Variants in CDH11 observed in about 807,000 individuals in gnomAD.
The protein encoded by CDH11 is cadherin-11.
CDH11 carries 11 observed loss-of-function variants against 67.8 expected under a neutral mutation model. The observed-to-expected ratio is 0.16, with a 90% CI of 0.10 to 0.27. The LOEUF (loss-of-function observed/expected upper bound fraction) is 0.27. Ranked by LOEUF, CDH11 falls within the 10% of genes least tolerant of loss-of-function variation. The pLI, the probability that CDH11 is intolerant of heterozygous loss-of-function variation, is 1.00. For missense variants in CDH11, 847 were observed against 1,031.2 expected, an observed-to-expected ratio of 0.82 and a Z score of 2.45; for synonymous variants, 419 against 400.0, an observed-to-expected ratio of 1.05 and a Z score of -0.57.
At chr16:65,062,814 C>G (rs2142745051) in intron 1 of CDH11, among the ~76,000 whole-genome samples, 1 of 152,310 alleles carries the variant, frequency 6.6e-6, no homozygotes. Flanking sequence ...GAGCCCTGGA[C>G]ATAGTGGTCT....
chr16:65,112,085 A>AG (rs1481106659), intron 1 of CDH11, among the ~76,000 whole-genome samples: 1 of 151,682 alleles, frequency 6.6e-6, no homozygotes, highest in African/African-American at 2.4e-5. Context: ...AAAAAAAAAA[A>AG]AAAGAATAAG....
At chr16:64,983,697 C>A (rs2072414984) in intron 7 of CDH11, among the ~76,000 whole-genome samples, 1 of 152,156 alleles carries the variant, frequency 6.6e-6, no homozygotes, top group Admixed American at 6.5e-5. Context: ...CTGCCCCCAG[C>A]CTTTCCATCA....
At chr16:64,996,646 T>C (rs2072774240) in intron 4 of CDH11, among the ~76,000 whole-genome samples, 1 of 152,134 alleles carries the variant, frequency 6.6e-6, no homozygotes, top group Non-Finnish European at 1.5e-5. Flanking sequence ...TCAACCAAGG[T>C]GCCCATCAAC....
intron 1 of CDH11, among the ~76,000 whole-genome samples, chr16:65,056,155 T>A (rs935322864): frequency 1.3e-5 from 2 of 152,242 alleles, no homozygotes; most frequent in African/African-American, 4.8e-5. Flanking sequence ...CTTGTGCTTT[T>A]TGAACGCTTG....
chr16:65,108,963 A>G (rs993585231), intron 1 of CDH11, among the ~76,000 whole-genome samples: 5 of 152,126 alleles, frequency 3.3e-5, no homozygotes, highest in African/African-American at 1.2e-4. Flanking sequence ...CCTGGCCAAC[A>G]TGGTAAAACC....
chr16:64,994,663 C>T (rs552858213), intron 4 of CDH11, among the ~76,000 whole-genome samples: 3 of 152,084 alleles, frequency 2.0e-5, no homozygotes, highest in South Asian at 4.1e-4. Context: ...ACAAGGATGC[C>T]CACTCTCACC....
At chr16:65,014,809 C>T (rs2073263811) in intron 2 of CDH11, among the ~76,000 whole-genome samples, 1 of 151,976 alleles carries the variant, frequency 6.6e-6, no homozygotes, top group Non-Finnish European at 1.5e-5. Context: ...TATTCCTGGC[C>T]TTAACAGGAG....
At chr16:65,097,133 C>A (rs561350540) in intron 1 of CDH11, among the ~76,000 whole-genome samples, 2 of 152,256 alleles carry the variant, frequency 1.3e-5, no homozygotes, top group South Asian at 4.2e-4. Context: ...CAGAGACAAA[C>A]ACACACAAAC....
chr16:65,046,937 A>G (rs771703537), intron 2 of CDH11, among the ~76,000 whole-genome samples: 58 of 152,228 alleles, frequency 3.8e-4, no homozygotes, highest in Middle Eastern at 6.8e-3. Flanking sequence ...GCAAAACCCC[A>G]TCTTTACTAA....
intron 2 of CDH11, among the ~76,000 whole-genome samples, chr16:65,045,139 TC>T (rs1423602441): frequency 6.6e-6 from 1 of 150,994 alleles, no homozygotes; most frequent in Non-Finnish European, 1.5e-5. Context: ...TGAATCACCA[TC>T]CCCCTAGGTC....
intron 4 of CDH11, 149 bp downstream of exon 4, chr16:64,998,413 G>C (rs776909184): frequency 1.2e-5 from 9 of 738,164 alleles, no homozygotes; most frequent in African/African-American, 8.8e-5. Context: ...ATTTTACAGA[G>C]GAACAAAAGA....
intron 8 of CDH11, among the ~76,000 whole-genome samples, chr16:64,978,302 G>T (rs1224248686): frequency 6.6e-6 from 1 of 152,158 alleles, no homozygotes; most frequent in African/African-American, 2.4e-5. Context: ...GCGCAGTGAT[G>T]ATCTATAACA....
intron 1 of CDH11, among the ~76,000 whole-genome samples, chr16:65,108,369 G>A (rs971116823): frequency 2.0e-5 from 3 of 152,180 alleles, no homozygotes; most frequent in Admixed American, 1.3e-4. Context: ...GAAGGCAAGC[G>A]TCCCCAGCTC....
chr16:65,018,528 C>T (rs865887480), intron 2 of CDH11, among the ~76,000 whole-genome samples: 11 of 152,198 alleles, frequency 7.2e-5, no homozygotes, highest in Non-Finnish European at 8.8e-5. Flanking sequence ...GAGAAAGAAA[C>T]GTGCTCCAAA....
rs181807025 is a variant in CDH11 at position 65,001,922 on chromosome 16, C to T, written c.228+2720G>A. On this transcript the variant is annotated intron_variant, in intron 3 of 12. Transcript: ENST00000268603. ...GAATGGCTTCCCTCTCTGCATAGCA[C>T]AGCATGACACAGGCTGTATTTCCAC... is the stretch of plus-strand genomic sequence containing the variant. Among the ~76,000 whole-genome samples, 672 of 152,254 alleles carry T rather than the reference C, an allele frequency of 4.4e-3. 6 individuals carry two copies. Among genetic ancestry groups the T allele is most frequent in the African/African-American group, 0.016 (657 of 41,552 alleles).
chr16:64,993,622 TG>T (rs1718448522), intron 4 of CDH11, among the ~76,000 whole-genome samples: 1 of 152,178 alleles, frequency 6.6e-6, no homozygotes, highest in Admixed American at 6.5e-5. Context: ...GTAGCTGGTC[TG>T]GTAGCCATAT....
At chr16:65,108,859 G>C (rs1438858730) in intron 1 of CDH11, among the ~76,000 whole-genome samples, 1 of 152,080 alleles carries the variant, frequency 6.6e-6, no homozygotes, top group Non-Finnish European at 1.5e-5. Context: ...CATAGAAATT[G>C]AAATGAGCTG....
chr16:65,046,834 G>T (rs946252507), intron 2 of CDH11, among the ~76,000 whole-genome samples: 2 of 152,112 alleles, frequency 1.3e-5, no homozygotes, highest in Non-Finnish European at 2.9e-5. Flanking sequence ...GTGGCTGGGC[G>T]CGGTGACTCA....
rs767342375 is a variant in CDH11 at position 64,946,649 on chromosome 16, C to A, written c.*954G>T. 1.0e-6 allele frequency: 1 copy of A among 1,001,182 alleles called. No individual in the cohort carries two copies. Among genetic ancestry groups the A allele is most frequent in the Middle Eastern group, 4.7e-4 (1 of 2,120 alleles). The allele number at this position is 1,001,182 out of a possible 1,614,324, so 62.0% of individuals were successfully genotyped here. On this transcript the variant is annotated 3_prime_UTR_variant, in exon 13 of 13. Coordinates refer to ENST00000268603, the MANE Select transcript of CDH11 (RefSeq NM_001797.4). Reference sequence around the variant, plus strand: ...TAAAACATATTTGATTTTAAATAAACAATAAAAGCAGCAGACAGACAACAA... The same window carrying A: ...TAAAACATATTTGATTTTAAATAAAAAATAAAAGCAGCAGACAGACAACAA...
Sources: allele counts gnomAD v4.1 joint callset (sites outside exome capture counted in the v4.1 genomes callset), GRCh38; gene constraint gnomAD v4.1.1; transcripts MANE v1.5; gene names NCBI Gene and HGNC (gene_info 2026-07-23, HGNC 2026-07-21).